ERC2: variants seen among roughly 807,000 people sequenced by gnomAD.
The protein encoded by ERC2 is ELKS/RAB6-interacting/CAST family member 2.
ERC2 carries 42 observed loss-of-function variants against 114.8 expected under a neutral mutation model. That is an observed-to-expected ratio of 0.37 (90% CI 0.29 to 0.47). The LOEUF (loss-of-function observed/expected upper bound fraction) is 0.47. ERC2 is among the 20% of genes least tolerant of loss of function. The pLI is 0.99. For synonymous variants in ERC2, 454 were observed against 425.5 expected (o/e 1.07, Z -0.82); for missense variants, 939 against 1,150.7 (o/e 0.82, Z 2.66).
intron 12 of ERC2, among the ~76,000 whole-genome samples, chr3:55,981,612 G>T (rs575581274): frequency 3.9e-5 from 6 of 152,162 alleles, no homozygotes; most frequent in African/African-American, 7.2e-5. Context: ...GGAGGAGGGG[G>T]AGGAGAGGGA....
At chr3:56,293,237 G>A (rs940659780) in intron 3 of ERC2, among the ~76,000 whole-genome samples, 9 of 152,148 alleles carry the variant, frequency 5.9e-5, no homozygotes, top group Admixed American at 2.0e-4. Flanking sequence ...TTGGGGAACC[G>A]TGAGTGGTTA....
intron 3 of ERC2, among the ~76,000 whole-genome samples, chr3:56,285,070 CTT>C (rs1403220175): frequency 2.1e-5 from 3 of 141,980 alleles, no homozygotes; most frequent in Non-Finnish European, 4.6e-5. Context: ...CACACACACT[CTT>C]ATGTTTCTTT....
intron 12 of ERC2, among the ~76,000 whole-genome samples, chr3:55,982,118 G>T (rs1432432537): frequency 6.6e-6 from 1 of 152,192 alleles, no homozygotes; most frequent in Non-Finnish European, 1.5e-5. Flanking sequence ...CAGAATGAAA[G>T]GAGAGGCTGG....
rs139098220 is a variant in ERC2, at chr3:56,221,066, C to T, written c.1075-47546G>A. 2.6e-3 allele frequency among the ~76,000 whole-genome samples: 391 copies of T among 152,124 alleles called. 1 individual carries two copies. Among genetic ancestry groups the T allele is most frequent in the South Asian group, 0.018 (87 of 4,814 alleles). On this transcript the variant is annotated intron_variant, in intron 3 of 17. Coordinates refer to ENST00000288221, the MANE Select transcript of ERC2 (RefSeq NM_015576.3). ...TACTCTAATACTATGATAGATGAAG[C>T]AACCTGATAGAAGTCACACACATAA...
At chr3:56,060,798 C>A (rs918833687) in intron 7 of ERC2, among the ~76,000 whole-genome samples, 1 of 152,210 alleles carries the variant, frequency 6.6e-6, no homozygotes, top group Non-Finnish European at 1.5e-5. Context: ...GGCCAATTCT[C>A]ATTGAGGGTC....
chr3:55,939,951 T>C (rs1443982617), intron 13 of ERC2, among the ~76,000 whole-genome samples: 1 of 152,186 alleles, frequency 6.6e-6, no homozygotes, highest in African/African-American at 2.4e-5. Flanking sequence ...GAAAACAAAA[T>C]GTGTTAGTGC....
chr3:56,004,638 CCACTGG>C (rs1169029685), intron 10 of ERC2, among the ~76,000 whole-genome samples: 1 of 151,936 alleles, frequency 6.6e-6, no homozygotes, highest in East Asian at 1.9e-4. Context: ...GATTTCATTG[CCACTGG>C]CAGACAAGGT....
intron 17 of ERC2, among the ~76,000 whole-genome samples, chr3:55,675,534 C>T (rs552701246): frequency 1.5e-3 from 221 of 152,256 alleles, no homozygotes; most frequent in African/African-American, 5.1e-3. Context: ...TAGATGTCGT[C>T]TTGGTTTTCC....
At chr3:56,372,360 C>T (rs1044372481) in intron 2 of ERC2, among the ~76,000 whole-genome samples, 6 of 152,116 alleles carry the variant, frequency 3.9e-5, no homozygotes, top group African/African-American at 1.2e-4. Context: ...ATCACTTAAT[C>T]CTCACAACAG....
chr3:55,544,934 A>T (rs1575534167), intron 17 of ERC2, among the ~76,000 whole-genome samples: 1 of 152,248 alleles, frequency 6.6e-6, no homozygotes, highest in Admixed American at 6.5e-5. Context: ...GAGATTTGAC[A>T]TCCATATCTT....
At chr3:56,015,377 AC>A (rs1330266940) in intron 8 of ERC2, among the ~76,000 whole-genome samples, 2 of 117,044 alleles carry the variant, frequency 1.7e-5, no homozygotes, top group Admixed American at 2.1e-4. Flanking sequence ...ACCCCTTCCA[AC>A]AGGCCCCAGT....
intron 6 of ERC2, among the ~76,000 whole-genome samples, chr3:56,119,499 G>T (rs1384777072): frequency 6.6e-6 from 1 of 152,198 alleles, no homozygotes; most frequent in Admixed American, 6.5e-5. Flanking sequence ...TCAGATCACA[G>T]ATTAAGCATC....
intron 15 of ERC2, among the ~76,000 whole-genome samples, chr3:55,721,609 T>C (rs2064557418): frequency 6.6e-6 from 1 of 152,242 alleles, no homozygotes; most frequent in African/African-American, 2.4e-5. Context: ...TCTCAGTGCA[T>C]TGGGACCAGA....
chr3:56,241,152 T>G (rs549359371), intron 3 of ERC2, among the ~76,000 whole-genome samples: 1 of 151,986 alleles, frequency 6.6e-6, no homozygotes, highest in East Asian at 1.9e-4. Context: ...GTGAAAGACA[T>G]GAAAAGGACT....
At chr3:55,777,567 C>T (rs2068721419) in intron 14 of ERC2, among the ~76,000 whole-genome samples, 1 of 152,184 alleles carries the variant, frequency 6.6e-6, no homozygotes, top group Non-Finnish European at 1.5e-5. Flanking sequence ...GTTCATTACC[C>T]AGAAAGCCAA....
intron 14 of ERC2, among the ~76,000 whole-genome samples, chr3:55,782,797 T>G (rs1484446786): frequency 6.6e-6 from 1 of 152,236 alleles, no homozygotes; most frequent in Non-Finnish European, 1.5e-5. Flanking sequence ...CTTCTCAAGA[T>G]GCAAATCAGG....
chr3:55,966,609 T>C (rs987051900), intron 12 of ERC2, among the ~76,000 whole-genome samples: 1 of 152,146 alleles, frequency 6.6e-6, no homozygotes, highest in Non-Finnish European at 1.5e-5. Context: ...GCAACGTGCT[T>C]AGAAGGCTCA....
intron 14 of ERC2, among the ~76,000 whole-genome samples, chr3:55,851,133 T>G (rs1313243492): frequency 6.9e-6 from 1 of 144,238 alleles, no homozygotes; most frequent in Non-Finnish European, 1.5e-5. Flanking sequence ...AGCTCTGACC[T>G]TGGGAAGAAA....
intron 15 of ERC2, among the ~76,000 whole-genome samples, chr3:55,728,731 G>A (rs2065072006): frequency 6.6e-6 from 1 of 152,196 alleles, no homozygotes; most frequent in Non-Finnish European, 1.5e-5. Context: ...CCCAGTGCAG[G>A]CCAAGAGTTG....
Sources: allele counts gnomAD v4.1 joint callset (sites outside exome capture counted in the v4.1 genomes callset), GRCh38; gene constraint gnomAD v4.1.1; transcripts MANE v1.5; gene names NCBI Gene and HGNC (gene_info 2026-07-23, HGNC 2026-07-21).